SLC15A5: variants seen among roughly 807,000 people sequenced by gnomAD.
The protein encoded by SLC15A5 is solute carrier family 15 member 5.
SLC15A5 carries 58 observed loss-of-function variants against 56.1 expected under a neutral mutation model. The observed-to-expected ratio is 1.03, with a 90% CI of 0.84 to 1.29. SLC15A5 has a LOEUF of 1.29. SLC15A5 is among the 50% of genes most tolerant of loss of function. The probability of loss-of-function intolerance (pLI) is 0.00; values close to 1 mark genes in which losing one functional copy is unlikely to be tolerated. For missense variants in SLC15A5, 681 were observed against 672.1 expected (o/e 1.01, Z -0.15); for synonymous variants, 264 against 250.5 (o/e 1.05, Z -0.51).
At chr12:16,252,533 TAAGGA>T (rs1406865706) in intron 3 of SLC15A5, among the ~76,000 whole-genome samples, 10 of 151,984 alleles carry the variant, frequency 6.6e-5, no homozygotes, top group Admixed American at 4.6e-4. Flanking sequence ...GAAAGCAAAT[TAAGGA>T]AACATTCCCA....
intron 5 of SLC15A5, among the ~76,000 whole-genome samples, chr12:16,228,955 C>T (rs78211831): frequency 0.044 from 6,674 of 152,190 alleles, 203 homozygotes; most frequent in African/African-American, 0.071. Context: ...ATGCTCCCAA[C>T]CCCTGCGTTG....
In SLC15A5 at chr12:16,257,821, A is replaced by C. The variant is rs1864592427; in HGVS notation, c.634T>G (p.Ser212Ala). ...LNATIVFLGISYIQHSQAWAL... is the reference protein window; with the variant it reads ...LNATIVFLGIAYIQHSQAWAL... Reference sequence around the variant, plus strand: ...CAGGCCTGTGAGTGCTGGATGTAAGATATTCCCAGAAACACAATAGTTGCA... The same window carrying C: ...CAGGCCTGTGAGTGCTGGATGTAAGCTATTCCCAGAAACACAATAGTTGCA... Residue 212 changes from serine (S) to alanine (A), a missense_variant, in exon 3 of 9, where the codon TCT (serine) becomes GCT (alanine). Physicochemically the swap from Ser to Ala is moderately conservative, Grantham distance 99. Transcript: ENST00000344941. The C allele has an allele frequency of 2.0e-6, 3 of 1,521,464 alleles. No homozygotes were observed. Among genetic ancestry groups the C allele is most frequent in the South Asian group, 2.5e-5 (2 of 80,282 alleles). The allele number at this position is 1,521,464 out of a possible 1,614,324, so 94.2% of individuals were successfully genotyped here. A position where few individuals can be genotyped will look rare whatever the true frequency, so the allele number is the denominator to read the frequency against.
rs74872352 is a variant in SLC15A5 at position 16,233,284 on chromosome 12, C to A, written c.1162+6397G>T. 6.5e-4 allele frequency among the ~76,000 whole-genome samples: 99 copies of A among 151,944 alleles called. 2 individuals carry two copies. The East Asian group carries it at 0.019, about 29-fold the overall frequency. ...CACTATTTTTTTTCTCTGTAAAAGG[C>A]CAGTAATAAGTACTTCAGACTTTGT... On this transcript the variant is annotated intron_variant, in intron 5 of 8. Coordinates refer to ENST00000344941, the MANE Select transcript of SLC15A5 (RefSeq NM_001170798.1).
At position 16,244,743 on chromosome 12, in the gene SLC15A5, G is replaced by A. The variant is rs1527014; in HGVS notation, c.812C>T (p.Pro271Leu). The A allele has an allele frequency of 0.96, 1,477,851 of 1,537,704 alleles. 710,541 individuals are homozygous for A. Among genetic ancestry groups the A allele is most frequent in the East Asian group, 1 (40,735 of 40,920 alleles). The stretch of plus-strand genomic sequence containing the variant: ...GTCTCTGCCAAGATGGCAGTATTGC[G>A]GGTGGCATGTTTTCAGTGCACTAAC... ...VLVSALKTCHPQYCHLGRDVT... is the reference protein window; with the variant it reads ...VLVSALKTCHLQYCHLGRDVT... Residue 271 changes from proline (P) to leucine (L), a missense_variant, in exon 4 of 9, where the codon CCG becomes CTG. By Grantham distance (98) the Pro-to-Leu change is moderately conservative. Transcript: ENST00000344941.
At chr12:16,219,712 C>T (rs1458300045) in intron 6 of SLC15A5, among the ~76,000 whole-genome samples, 2 of 151,870 alleles carry the variant, frequency 1.3e-5, no homozygotes, top group Non-Finnish European at 2.9e-5. Flanking sequence ...TAGGCATCTA[C>T]TTGCATGTTC....
intron 5 of SLC15A5, among the ~76,000 whole-genome samples, chr12:16,238,426 G>GGCGGGCGGATC: frequency 6.6e-6 from 1 of 152,046 alleles, no homozygotes; most frequent in Admixed American, 6.5e-5. Context: ...AGGAGATTGA[G>GGCGGGCGGATC]ACCATCCTGG....
chr12:16,273,439 C>T (rs1864782509), intron 1 of SLC15A5, among the ~76,000 whole-genome samples: 1 of 151,990 alleles, frequency 6.6e-6, no homozygotes, highest in Non-Finnish European at 1.5e-5. Flanking sequence ...AAAAGAAGGT[C>T]GAGTATCCTT....
At chr12:16,240,275 G>T (rs1335756802) in intron 4 of SLC15A5, among the ~76,000 whole-genome samples, 3 of 151,896 alleles carry the variant, frequency 2.0e-5, no homozygotes, top group African/African-American at 4.8e-5. Context: ...TTACCCTGAT[G>T]AAAAAAATGA....
intron 5 of SLC15A5, among the ~76,000 whole-genome samples, chr12:16,229,469 A>AT (rs1170500425): frequency 3.4e-4 from 51 of 152,008 alleles, no homozygotes; most frequent in East Asian, 3.9e-4. Context: ...CATAACATCC[A>AT]TTTTTTTCAC....
In SLC15A5 at chr12:16,235,272, G is replaced by GTA. The variant is rs905239869; in HGVS notation, c.1162+4407_1162+4408dup. On this transcript the variant is annotated intron_variant, in intron 5 of 8. Coordinates refer to ENST00000344941, the MANE Select transcript of SLC15A5 (RefSeq NM_001170798.1). The surrounding 1 kb of genome is among the most constrained non-coding windows in gnomAD (Gnocchi z 4.1). Reference sequence around the variant, plus strand: ...TATATATGTGTATATATATGTATATGTATATATATGTATATATGTATATGT... The same window carrying GTA: ...TATATATGTGTATATATATGTATATGTATATATATATGTATATATGTATATGT... 1.2e-5 allele frequency among the ~76,000 whole-genome samples: 1 copy of GTA among 83,336 alleles called. No homozygotes were observed. Among genetic ancestry groups the GTA allele is most frequent in the Non-Finnish European group, 2.5e-5 (1 of 39,234 alleles). The allele number at this position is 83,336 out of a possible 152,430, so 54.7% of individuals were successfully genotyped here. A position where few individuals can be genotyped will look rare whatever the true frequency, so the allele number is the denominator to read the frequency against.
intron 6 of SLC15A5, among the ~76,000 whole-genome samples, chr12:16,219,478 A>G (rs1203440344): frequency 2.0e-5 from 3 of 152,208 alleles, no homozygotes; most frequent in Non-Finnish European, 4.4e-5. Context: ...TTCTTTCACT[A>G]AGAAAAAGCA....
At chr12:16,268,442 A>C (rs866443939) in intron 2 of SLC15A5, among the ~76,000 whole-genome samples, 1 of 152,214 alleles carries the variant, frequency 6.6e-6, no homozygotes, top group Non-Finnish European at 1.5e-5. Context: ...TGATTTTTTC[A>C]TAGCTATTTA....
chr12:16,229,839 G>A (rs1453671150), intron 5 of SLC15A5, among the ~76,000 whole-genome samples: 1 of 152,170 alleles, frequency 6.6e-6, no homozygotes, highest in Non-Finnish European at 1.5e-5. Flanking sequence ...AAAGCAAGGG[G>A]TTGAACAATG....
intron 8 of SLC15A5, among the ~76,000 whole-genome samples, chr12:16,193,932 T>G (rs887163264): frequency 7.1e-6 from 1 of 140,798 alleles, no homozygotes; most frequent in East Asian, 2.1e-4. Flanking sequence ...TAGTTTTTTT[T>G]AAATTGACCT....
chr12:16,204,855 G>A (rs1013416157), intron 7 of SLC15A5, among the ~76,000 whole-genome samples: 9 of 151,944 alleles, frequency 5.9e-5, no homozygotes, highest in Admixed American at 3.9e-4. Context: ...CACATGAATA[G>A]TAAAATTAGT....
rs1014869655 is a variant in SLC15A5, at chr12:16,196,413, C to G, written c.1484-1960G>C. The stretch of plus-strand genomic sequence containing the variant: ...GTGCATGTGTGTGTGTGTGCCCGTG[C>G]ATGTGTGCACACAGGAACTAAACAT... On this transcript the variant is annotated intron_variant, in intron 7 of 8. Transcript: ENST00000344941. The surrounding 1 kb of genome is among the most constrained non-coding windows in gnomAD (Gnocchi z 4.0). Among the ~76,000 whole-genome samples the G allele has an allele frequency of 6.6e-6, 1 of 151,602 alleles. No individual in the cohort carries two copies. Among genetic ancestry groups the G allele is most frequent in the Non-Finnish European group, 1.5e-5 (1 of 67,826 alleles).
intron 4 of SLC15A5, among the ~76,000 whole-genome samples, chr12:16,244,110 TGGG>T (rs1385203279): frequency 2.6e-5 from 4 of 152,102 alleles, no homozygotes; most frequent in Non-Finnish European, 5.9e-5. Context: ...ATAGAGTGGG[TGGG>T]GAGAGAATCA....
At chr12:16,222,667 G>T (rs1294139653) in intron 6 of SLC15A5, among the ~76,000 whole-genome samples, 2 of 152,150 alleles carry the variant, frequency 1.3e-5, no homozygotes, top group Non-Finnish European at 2.9e-5. Context: ...GTAAATCAGG[G>T]AGTGGTGGAG....
At chr12:16,197,418 G>T (rs1863904546) in intron 7 of SLC15A5, among the ~76,000 whole-genome samples, 1 of 126,064 alleles carries the variant, frequency 7.9e-6, no homozygotes, top group Non-Finnish European at 1.6e-5. Flanking sequence ...ACAGAATTGG[G>T]TATAAAAAGA....
Sources: allele counts gnomAD v4.1 joint callset (sites outside exome capture counted in the v4.1 genomes callset), GRCh38; gene constraint gnomAD v4.1.1; non-coding constraint Gnocchi (gnomAD v3.1); transcripts MANE v1.5; gene names NCBI Gene and HGNC (gene_info 2026-07-23, HGNC 2026-07-21).